The following ABCD2 variants were observed in gnomAD, a reference collection of about 807,000 sequenced individuals.
ABCD2 encodes ATP binding cassette subfamily D member 2, also known as ATP-binding cassette sub-family D member 2.
In ABCD2, 36 loss-of-function variants were observed where a neutral mutation model predicts 70.9. That is an observed-to-expected ratio of 0.51 (90% CI 0.39 to 0.67). ABCD2 has a LOEUF of 0.67. Among genes scored for constraint, ABCD2 ranks in the 30% least tolerant of loss-of-function variants. The pLI, the probability that ABCD2 is intolerant of heterozygous loss-of-function variation, is 0.00. For synonymous variants in ABCD2, 304 were observed against 306.9 expected, an observed-to-expected ratio of 0.99 and a Z score of 0.10; for missense variants, 729 against 890.2, an observed-to-expected ratio of 0.82 and a Z score of 2.30.
At position 39,573,893 on chromosome 12, in the gene ABCD2, T is replaced by A. The variant is rs529278227; in HGVS notation, c.1878-52A>T. The A allele has an allele frequency of 2.6e-6, 4 of 1,548,452 alleles. No homozygotes were observed. The African/African-American group carries it at 4.1e-5, about 16-fold the overall frequency. ...ATTATTTTGCTATATGAACTATAAGTTTTTCTTTGGACAATATGAGTTGCA... is the reference window on the plus strand; with the variant it reads ...ATTATTTTGCTATATGAACTATAAGATTTTCTTTGGACAATATGAGTTGCA... On this transcript the variant is annotated intron_variant, in intron 8 of 9. Coordinates refer to ENST00000308666, the MANE Select transcript of ABCD2 (RefSeq NM_005164.4).
intron 9 of ABCD2, among the ~76,000 whole-genome samples, chr12:39,555,526 G>A (rs1316022577): frequency 1.3e-5 from 2 of 152,174 alleles, no homozygotes; most frequent in Non-Finnish European, 2.9e-5. Context: ...TGGGTAGGAA[G>A]TGCAGTTTTA....
chr12:39,619,668 C>T lies in ABCD2; in HGVS notation c.-53G>A. On this transcript the variant is annotated 5_prime_UTR_variant, in exon 1 of 10. Transcript: ENST00000308666. ...AAAGAATTCGTTTTAAAAGATCATG[C>T]TTCACAGAAATCCCCAGCAAATGTT... 3.4e-6 allele frequency: 5 copies of T among 1,491,206 alleles called. No homozygotes were observed. Among genetic ancestry groups the T allele is most frequent in the Non-Finnish European group, 3.6e-6 (4 of 1,101,868 alleles). The allele number at this position is 1,491,206 out of a possible 1,614,324, so 92.4% of individuals were successfully genotyped here.
chr12:39,534,067 A>G, the ABCD2 span, among the ~76,000 whole-genome samples: 1 of 152,140 alleles, frequency 6.6e-6, no homozygotes, highest in Admixed American at 6.6e-5. Context: ...ACCCATTTTA[A>G]GCTAATGCAT....
intron 9 of ABCD2, among the ~76,000 whole-genome samples, chr12:39,559,704 A>T (rs1941225266): frequency 6.6e-6 from 1 of 152,326 alleles, no homozygotes; most frequent in African/African-American, 2.4e-5. Flanking sequence ...CTCACAGGCC[A>T]GGAGAGAATG....
intron 2 of ABCD2, among the ~76,000 whole-genome samples, chr12:39,612,285 A>T (rs1279932278): frequency 6.6e-6 from 1 of 152,214 alleles, no homozygotes; most frequent in Non-Finnish European, 1.5e-5. Context: ...AATGTTCTTA[A>T]CAGCGCTATT....
chr12:39,600,911 A>G (rs911910779), intron 5 of ABCD2, among the ~76,000 whole-genome samples, 195 bp from the exon 6 acceptor site: 1 of 152,170 alleles, frequency 6.6e-6, no homozygotes, highest in Admixed American at 6.5e-5. Flanking sequence ...GCATCATAAA[A>G]TAATTCAATT....
At chr12:39,600,816 A>G (rs1941887299) in intron 5 of ABCD2, 100 bp from the exon 6 acceptor site, 4 of 1,137,944 alleles carry the variant, frequency 3.5e-6, no homozygotes, top group Middle Eastern at 2.7e-4. Flanking sequence ...CGAAAACATG[A>G]TAACCTAGGT....
chr12:39,565,929 A>G (rs530911497), intron 9 of ABCD2, among the ~76,000 whole-genome samples: 4 of 152,276 alleles, frequency 2.6e-5, no homozygotes, highest in Non-Finnish European at 5.9e-5. Flanking sequence ...GCTGGATTAC[A>G]TTTATTGATT....
At chr12:39,588,119 A>G (rs1941691012) in intron 6 of ABCD2, among the ~76,000 whole-genome samples, 1 of 152,188 alleles carries the variant, frequency 6.6e-6, no homozygotes, top group South Asian at 2.1e-4. Context: ...AAGGCAAGAG[A>G]AAAACTAATT....
intron 7 of ABCD2, among the ~76,000 whole-genome samples, chr12:39,580,181 T>C (rs1941577567): frequency 6.6e-6 from 1 of 152,144 alleles, no homozygotes; most frequent in South Asian, 2.1e-4. Flanking sequence ...GTTCGAGCTA[T>C]TTACCCTCCT....
chr12:39,532,605 T>C, the ABCD2 span, among the ~76,000 whole-genome samples: 5 of 152,148 alleles, frequency 3.3e-5, no homozygotes. Context: ...GAAATACACT[T>C]AGCAGCATGG....
the ABCD2 span, among the ~76,000 whole-genome samples, chr12:39,536,660 A>C: frequency 1.3e-5 from 2 of 152,158 alleles, no homozygotes; most frequent in African/African-American, 4.8e-5. Flanking sequence ...TGCTTAGAGC[A>C]TTTTAGGAAT....
intron 2 of ABCD2, among the ~76,000 whole-genome samples, chr12:39,612,692 T>TA (rs1469466075): frequency 6.6e-6 from 1 of 152,218 alleles, no homozygotes; most frequent in Non-Finnish European, 1.5e-5. Flanking sequence ...ATAATACTGC[T>TA]ATGTTCATTG....
chr12:39,599,553 C>CTGAAAA (rs1941867710), intron 6 of ABCD2, among the ~76,000 whole-genome samples: 1 of 152,152 alleles, frequency 6.6e-6, no homozygotes, highest in East Asian at 1.9e-4. Flanking sequence ...CCAGCATTTT[C>CTGAAAA]AGCCAATGCA....
At chr12:39,532,449 A>G in the ABCD2 span, among the ~76,000 whole-genome samples, 1 of 152,358 alleles carries the variant, frequency 6.6e-6, no homozygotes, top group South Asian at 2.1e-4. Context: ...TAAACTTAAA[A>G]GATTGATAAT....
At chr12:39,538,320 C>T in the ABCD2 span, among the ~76,000 whole-genome samples, 7 of 151,902 alleles carry the variant, frequency 4.6e-5, no homozygotes, top group Non-Finnish European at 1.0e-4. Context: ...CAGGTGCCTG[C>T]CACATGCCTG....
At chr12:39,612,903 G>A (rs533351766) in intron 2 of ABCD2, among the ~76,000 whole-genome samples, 9 of 152,264 alleles carry the variant, frequency 5.9e-5, no homozygotes, top group Admixed American at 5.2e-4. Flanking sequence ...CTGATATCCT[G>A]CTTCACACTC....
At chr12:39,563,392 TAAAC>T (rs1003877194) in intron 9 of ABCD2, among the ~76,000 whole-genome samples, 3 of 151,890 alleles carry the variant, frequency 2.0e-5, no homozygotes, top group African/African-American at 7.3e-5. Flanking sequence ...ACCCTGACTC[TAAAC>T]AAACAAACAA....
Position 39,586,276 on chromosome 12 carries a change from A to C in ABCD2, c.1668T>G (p.Ser556Arg), listed in dbSNP as rs773655555. Residue 556 changes from serine (S) to arginine (R), a missense_variant, in exon 7 of 10, where the codon AGT becomes AGG. Transcript: ENST00000308666. ...CAGGGTAAATGACTTGATCCCGAAG[A>C]CTTCCAAGAGACATATATGGCCTTT... ...IPQRPYMSLG[S>R]LRDQVIYPDS... 2.5e-6 allele frequency: 4 copies of C among 1,612,816 alleles called. No homozygotes were observed. Among genetic ancestry groups the C allele is most frequent in the Non-Finnish European group, 2.5e-6 (3 of 1,179,474 alleles).
Sources: allele counts gnomAD v4.1 joint callset (sites outside exome capture counted in the v4.1 genomes callset), GRCh38; gene constraint gnomAD v4.1.1; transcripts MANE v1.5; gene names NCBI Gene and HGNC (gene_info 2026-07-23, HGNC 2026-07-21).